Variants in MBD5 observed in about 807,000 individuals in gnomAD.
MBD5 encodes the protein methyl-CpG-binding domain protein 5.
Under a neutral mutation model 117.3 loss-of-function variants are expected in MBD5, and 13 were observed. That is an observed-to-expected ratio of 0.11 (90% CI 0.07 to 0.18). The LOEUF (loss-of-function observed/expected upper bound fraction) is 0.18, where lower values mean the gene tolerates loss of function less well. Ranked by LOEUF, MBD5 falls within the 10% of genes least tolerant of loss-of-function variation. The pLI, the probability that MBD5 is intolerant of heterozygous loss-of-function variation, is 1.00. For missense variants in MBD5, 1,879 were observed against 2,093.8 expected (o/e 0.90, Z 2.00); for synonymous variants, 727 against 766.4 (o/e 0.95, Z 0.85).
chr2:148,345,217 T>TACACACAC (rs1553503434), intron 4 of MBD5, among the ~76,000 whole-genome samples: 1 of 109,136 alleles, frequency 9.2e-6, no homozygotes, highest in African/African-American at 3.5e-5. Context: ...TATGTATATA[T>TACACACAC]ACACACACAC....
At chr2:148,305,970 A>G (rs945084105) in intron 3 of MBD5, among the ~76,000 whole-genome samples, 1 of 152,228 alleles carries the variant, frequency 6.6e-6, no homozygotes, top group Non-Finnish European at 1.5e-5. Flanking sequence ...TACAAAATAA[A>G]TCTAGTGTCA....
At chr2:148,107,131 G>GTT (rs1416725393) in intron 1 of MBD5, among the ~76,000 whole-genome samples, 3 of 151,926 alleles carry the variant, frequency 2.0e-5, no homozygotes. Flanking sequence ...ATCTCCAAAT[G>GTT]ACCTTATTTC....
intron 4 of MBD5, among the ~76,000 whole-genome samples, chr2:148,415,761 T>C (rs1289066673): frequency 1.3e-5 from 2 of 152,238 alleles, no homozygotes; most frequent in East Asian, 3.8e-4. Context: ...CTGATGTTAA[T>C]ACTTGTGCTG....
intron 1 of MBD5, among the ~76,000 whole-genome samples, chr2:148,052,602 C>T (rs1203066721): frequency 3.3e-5 from 5 of 149,904 alleles, no homozygotes; most frequent in African/African-American, 4.9e-5. Flanking sequence ...GTTATGTTTT[C>T]GTCTTAATTT....
intron 1 of MBD5, chr2:148,055,269 T>G (rs1694824948): frequency 6.6e-6 from 1 of 152,092 alleles, no homozygotes; most frequent in South Asian, 2.1e-4. Flanking sequence ...TTTTTGTCTG[T>G]TTAAGTTTTA....
At chr2:148,389,890 T>C (rs1704513864) in intron 4 of MBD5, among the ~76,000 whole-genome samples, 1 of 152,102 alleles carries the variant, frequency 6.6e-6, no homozygotes, top group Non-Finnish European at 1.5e-5. Context: ...GGTTGTCTCT[T>C]TGTTGATTTT....
intron 8 of MBD5, chr2:148,471,351 A>C (rs1201639692): frequency 1.3e-5 from 2 of 152,158 alleles, no homozygotes; most frequent in Non-Finnish European, 2.9e-5. Context: ...AAATGTGTTG[A>C]GGCATCAGAA....
chr2:148,298,037 G>A (rs1222760684), intron 3 of MBD5, among the ~76,000 whole-genome samples: 1 of 152,210 alleles, frequency 6.6e-6, no homozygotes, highest in Admixed American at 6.5e-5. Flanking sequence ...GCAGAGCAGT[G>A]TGCAGAGGAG....
rs755566751 is a variant in MBD5 at position 148,333,593 on chromosome 2, G to C, written c.-679-8621G>C. On this transcript the variant is annotated intron_variant, in intron 3 of 13. Transcript: ENST00000642680. The stretch of plus-strand genomic sequence containing the variant: ...ACGGTGGCTCACACCTATAATCCCA[G>C]CACTTTGGGAGGCCGAGGCAGGTGG... Among the ~76,000 whole-genome samples, 57 of 151,488 alleles carry C rather than the reference G, an allele frequency of 3.8e-4. 1 individual carries two copies. Among genetic ancestry groups the C allele is most frequent in the Non-Finnish European group, 7.8e-4 (53 of 67,900 alleles).
intron 4 of MBD5, among the ~76,000 whole-genome samples, chr2:148,386,871 A>T (rs2105491146): frequency 6.6e-6 from 1 of 152,304 alleles, no homozygotes; most frequent in East Asian, 1.9e-4. Context: ...AAAATATTGA[A>T]AGCTAAAATG....
At chr2:148,041,326 C>G (rs1163900548) in intron 1 of MBD5, 1 of 152,176 alleles carries the variant, frequency 6.6e-6, no homozygotes, top group Non-Finnish European at 1.5e-5. Flanking sequence ...AAGGTGACTT[C>G]TGGATCCTCA....
At chr2:148,151,540 T>G (rs1697667678) in intron 1 of MBD5, among the ~76,000 whole-genome samples, 1 of 152,358 alleles carries the variant, frequency 6.6e-6, no homozygotes, top group Non-Finnish European at 1.5e-5. Flanking sequence ...CTTGTACCTC[T>G]GGTAAAATTC....
intron 1 of MBD5, among the ~76,000 whole-genome samples, chr2:148,103,940 C>T (rs1696300091): frequency 1.3e-5 from 2 of 152,030 alleles, no homozygotes; most frequent in African/African-American, 4.8e-5. Context: ...CATGCTTGAC[C>T]AAGGCAGTAT....
At chr2:148,161,250 C>T (rs1224704776) in intron 1 of MBD5, among the ~76,000 whole-genome samples, 1 of 152,206 alleles carries the variant, frequency 6.6e-6, no homozygotes, top group African/African-American at 2.4e-5. Flanking sequence ...ATCCATTCAG[C>T]TGTGAGCTCT....
chr2:148,321,528 C>G (rs906465117), intron 3 of MBD5, among the ~76,000 whole-genome samples: 1 of 152,094 alleles, frequency 6.6e-6, no homozygotes, highest in African/African-American at 2.4e-5. Flanking sequence ...TGTGGGAAAG[C>G]AGACCCACTC....
At chr2:148,061,772 T>G (rs150531320) in intron 1 of MBD5, among the ~76,000 whole-genome samples, 5 of 151,968 alleles carry the variant, frequency 3.3e-5, no homozygotes, top group African/African-American at 1.2e-4. Context: ...TAAACATAAT[T>G]TTTAAGAAAA....
At chr2:148,229,768 C>A (rs1279209850) in intron 2 of MBD5, among the ~76,000 whole-genome samples, 1 of 152,116 alleles carries the variant, frequency 6.6e-6, no homozygotes, top group East Asian at 1.9e-4. Context: ...AAAGGTACTG[C>A]CTTGATGGTC....
chr2:148,127,387 T>C (rs1265669864), intron 1 of MBD5, among the ~76,000 whole-genome samples: 1 of 152,130 alleles, frequency 6.6e-6, no homozygotes, highest in African/African-American at 2.4e-5. Flanking sequence ...ATGCTCTCTC[T>C]CCCCGCAGCT....
chr2:148,399,725 T>G (rs1490236787), intron 4 of MBD5, among the ~76,000 whole-genome samples: 1 of 152,138 alleles, frequency 6.6e-6, no homozygotes, highest in Non-Finnish European at 1.5e-5. Flanking sequence ...CATCCCTGTC[T>G]TGTGCCAGTT....
Sources: allele counts gnomAD v4.1 joint callset (sites outside exome capture counted in the v4.1 genomes callset), GRCh38; gene constraint gnomAD v4.1.1; transcripts MANE v1.5; gene names NCBI Gene and HGNC (gene_info 2026-07-23, HGNC 2026-07-21).